Variants in NEDD4 observed in about 807,000 individuals in gnomAD.
NEDD4 encodes the protein E3 ubiquitin-protein ligase NEDD4.
In NEDD4, 99 loss-of-function variants were observed where a neutral mutation model predicts 144.9. The observed-to-expected ratio is 0.68, with a 90% CI of 0.58 to 0.81. NEDD4 has a LOEUF of 0.81. Ranked by LOEUF, NEDD4 falls within the 30% of genes least tolerant of loss-of-function variation. NEDD4 has a pLI of 0.00. For missense variants in NEDD4, 985 were observed against 1,065.9 expected (o/e 0.92, Z 1.06); for synonymous variants, 318 against 350.6 (o/e 0.91, Z 1.04).
intron 5 of NEDD4, among the ~76,000 whole-genome samples, chr15:55,891,434 T>C (rs1216402839): frequency 6.6e-6 from 1 of 152,218 alleles, no homozygotes; most frequent in Non-Finnish European, 1.5e-5. Context: ...TTCATTCCTA[T>C]GAAGGCAAGT....
chr15:55,983,215 A>G (rs769748140), intron 1 of NEDD4, among the ~76,000 whole-genome samples: 1 of 152,234 alleles, frequency 6.6e-6, no homozygotes, highest in Non-Finnish European at 1.5e-5. Flanking sequence ...AGAAATAACT[A>G]GCAAACAAAT....
chr15:55,985,102 C>T (rs1256804778), intron 1 of NEDD4, among the ~76,000 whole-genome samples: 3 of 152,216 alleles, frequency 2.0e-5, no homozygotes. Flanking sequence ...AATTCCAACA[C>T]AAAAGAATCC....
chr15:55,965,107 C>T (rs1402702222), intron 2 of NEDD4, among the ~76,000 whole-genome samples: 1 of 152,154 alleles, frequency 6.6e-6, no homozygotes, highest in Non-Finnish European at 1.5e-5. Flanking sequence ...ACAAAATACA[C>T]AGTCTTAGGA....
chr15:55,905,787 A>G (rs1285209168), intron 5 of NEDD4, among the ~76,000 whole-genome samples: 1 of 152,030 alleles, frequency 6.6e-6, no homozygotes, highest in Non-Finnish European at 1.5e-5. Flanking sequence ...TTTGTCAGAT[A>G]AGTAGATTGC....
chr15:55,848,895 G>T lies in NEDD4; in HGVS notation c.1348-9C>A. 6.2e-7 allele frequency: 1 copy of T among 1,609,548 alleles called. No homozygotes were observed. Among genetic ancestry groups the T allele is most frequent in the Non-Finnish European group, 8.5e-7 (1 of 1,176,200 alleles). On this transcript the variant is annotated splice_polypyrimidine_tract_variant and intron_variant, in intron 14 of 28. Coordinates refer to ENST00000435532, the MANE Select transcript of NEDD4 (RefSeq NM_006154.4). ...TTCAATCTTGGATCTTCCTTTTTTG[G>T]TAGAGTAAATAAAGAACAATACACA...
At chr15:55,951,667 A>C in intron 2 of NEDD4, 78 bp from the exon 3 acceptor site, 1 of 1,083,754 alleles carries the variant, frequency 9.2e-7, no homozygotes, top group Non-Finnish European at 1.3e-6. Flanking sequence ...AGACTATAAA[A>C]TTCACAGTTT....
chr15:55,850,673 T>C lies in NEDD4; in HGVS notation c.1216A>G (p.Ser406Gly). The change falls in exon 14 of 29, where the codon AGT (serine) becomes GGT (glycine). Residue 406 changes from serine (S) to glycine (G), a missense_variant. Ser to Gly is a moderately conservative substitution (Grantham distance 56, BLOSUM62 0). Transcript: ENST00000435532. The stretch of plus-strand genomic sequence containing the variant: ...TGGGTCACCTGCTGGCCTGAATCAC[T>C]GGTGGAGGCTTGTGATTGAGGGCCT... Reference protein sequence around the residue: ...SAGPQSQASTSDSGQQVTQPS... With the variant: ...SAGPQSQASTGDSGQQVTQPS... The C allele has an allele frequency of 2.5e-6, 4 of 1,614,138 alleles. No homozygotes were observed. The highest frequency in any genetic ancestry group is 3.4e-6 in the Non-Finnish European group (4 of 1,180,036).
chr15:55,959,477 C>T (rs72734341), intron 2 of NEDD4, among the ~76,000 whole-genome samples: 20,452 of 152,198 alleles, frequency 0.13, 1,504 homozygotes, highest in East Asian at 0.32. Flanking sequence ...TTTATTGTTT[C>T]AAGGCCCGGA....
intron 4 of NEDD4, 36 bp from the exon 5 acceptor site, chr15:55,924,735 A>G (rs1236663658): frequency 6.4e-7 from 1 of 1,571,304 alleles, no homozygotes; most frequent in Admixed American, 1.8e-5. Flanking sequence ...AAAACAAGTA[A>G]ACATCAACCC....
At chr15:55,922,446 T>C (rs2036586415) in intron 5 of NEDD4, among the ~76,000 whole-genome samples, 1 of 152,160 alleles carries the variant, frequency 6.6e-6, no homozygotes, top group African/African-American at 2.4e-5. Context: ...CACTGCAACC[T>C]CCACCTCCTG....
chr15:55,906,328 G>C (rs541210356), intron 5 of NEDD4, among the ~76,000 whole-genome samples: 131 of 151,956 alleles, frequency 8.6e-4, no homozygotes, highest in African/African-American at 2.9e-3. Context: ...AAGACACATG[G>C]ACACGTATGT....
intron 2 of NEDD4, among the ~76,000 whole-genome samples, chr15:55,956,597 T>A (rs529304830): frequency 2.6e-5 from 4 of 152,292 alleles, no homozygotes; most frequent in African/African-American, 9.6e-5. Flanking sequence ...TATATGTGTA[T>A]ATATTCTCTC....
At chr15:55,832,238 G>A (rs2032987663) in intron 27 of NEDD4, among the ~76,000 whole-genome samples, 1 of 145,692 alleles carries the variant, frequency 6.9e-6, no homozygotes, top group South Asian at 2.2e-4. Flanking sequence ...CAATGCTTTT[G>A]TTTTCTTCTA....
At chr15:55,890,392 A>G (rs185628394) in intron 5 of NEDD4, among the ~76,000 whole-genome samples, 96 of 152,220 alleles carry the variant, frequency 6.3e-4, no homozygotes, top group Non-Finnish European at 1.0e-3. Context: ...GCAACCACCA[A>G]CCACTTTCTG....
chr15:55,928,086 T>C (rs2036709197), intron 4 of NEDD4, among the ~76,000 whole-genome samples: 1 of 152,144 alleles, frequency 6.6e-6, no homozygotes, highest in African/African-American at 2.4e-5. Flanking sequence ...CCCAACTCAG[T>C]GCAACCTCCG....
At chr15:55,978,366 T>C (rs2037739698) in intron 1 of NEDD4, among the ~76,000 whole-genome samples, 1 of 152,272 alleles carries the variant, frequency 6.6e-6, no homozygotes, top group African/African-American at 2.4e-5. Context: ...CCATTTATTT[T>C]AATATTTGCA....
At chr15:55,932,986 T>C (rs1012808697) in intron 4 of NEDD4, among the ~76,000 whole-genome samples, 22 of 152,192 alleles carry the variant, frequency 1.4e-4, no homozygotes, top group African/African-American at 4.3e-4. Context: ...TGAGATACCA[T>C]CTCACACCAG....
chr15:55,889,433 A>T lies in NEDD4; in HGVS notation c.292-15425T>A, dbSNP rs369309250. 2.6e-5 allele frequency among the ~76,000 whole-genome samples: 4 copies of T among 152,358 alleles called. No homozygotes were observed. In the East Asian group the frequency reaches 7.7e-4, roughly 29 times the overall value. Reference sequence around the variant, plus strand: ...CGCTCATTTGCAACAACTGGATAAAACTGAAGGTCATTATGTTAAGTGAAA... The same window carrying T: ...CGCTCATTTGCAACAACTGGATAAATCTGAAGGTCATTATGTTAAGTGAAA... On this transcript the variant is annotated intron_variant, in intron 5 of 28. Coordinates refer to ENST00000435532, the MANE Select transcript of NEDD4 (RefSeq NM_006154.4).
chr15:55,850,578 A>G lies in NEDD4; in HGVS notation c.1311T>C (p.Pro437=). The G allele has an allele frequency of 6.2e-7, 1 of 1,614,226 alleles. No homozygotes were observed. Among genetic ancestry groups the G allele is most frequent in the Admixed American group, 1.7e-5 (1 of 60,024 alleles). The part of the protein sequence containing the change: ...WEVRHAPNGR[P]FFIDHNTKTT... ...TTTTAGTGTTGTGGTCAATAAAGAA[A>G]GGCCTCCCATTTGGTGCATGCCGGA... Residue 437 remains proline, a synonymous_variant, in exon 14 of 29, where the codon CCT becomes CCC. Coordinates refer to ENST00000435532, the MANE Select transcript of NEDD4 (RefSeq NM_006154.4).
Sources: gnomAD v4.1 joint callset for allele counts (sites outside exome capture counted in the v4.1 genomes callset) on GRCh38, gnomAD v4.1.1 for gene constraint, MANE v1.5 for transcripts, NCBI Gene and HGNC (gene_info 2026-07-23, HGNC 2026-07-21) for gene names.